Variants in KCNQ5 observed in about 807,000 individuals in gnomAD.
The protein encoded by KCNQ5 is potassium voltage-gated channel subfamily Q member 5.
A neutral mutation model predicts 98.2 loss-of-function variants in KCNQ5; 30 were observed. The ratio of observed to expected loss-of-function variants is 0.31; its 90% CI spans 0.23 to 0.41. The LOEUF is 0.41. Ranked by LOEUF, KCNQ5 falls within the 10% of genes least tolerant of loss-of-function variation. The pLI is 1.00. For missense variants in KCNQ5, 835 were observed against 1,182.5 expected, an observed-to-expected ratio of 0.71 and a Z score of 4.31; for synonymous variants, 458 against 449.4, an observed-to-expected ratio of 1.02 and a Z score of -0.24.
intron 3 of KCNQ5, among the ~76,000 whole-genome samples, chr6:73,068,391 A>G (rs942841249): frequency 1.3e-5 from 2 of 152,208 alleles, no homozygotes; most frequent in African/African-American, 2.4e-5. Flanking sequence ...AATGATGTTT[A>G]GAAACATTTT....
intron 1 of KCNQ5, among the ~76,000 whole-genome samples, chr6:72,930,272 C>T (rs1329592619): frequency 5.3e-5 from 8 of 152,114 alleles, no homozygotes; most frequent in Admixed American, 1.3e-4. Context: ...TATCCACTAA[C>T]GTATTAAATA....
chr6:73,056,867 T>C (rs1364217664), intron 3 of KCNQ5, among the ~76,000 whole-genome samples: 2 of 152,200 alleles, frequency 1.3e-5, no homozygotes, highest in African/African-American at 2.4e-5. Context: ...GGAACATTTT[T>C]ACACTCTTGG....
chr6:72,711,014 G>A (rs1034548245), intron 1 of KCNQ5, among the ~76,000 whole-genome samples: 2 of 152,066 alleles, frequency 1.3e-5, no homozygotes, highest in African/African-American at 2.4e-5. Context: ...TAGGAAGCTA[G>A]AAATCAATAA....
intron 11 of KCNQ5, among the ~76,000 whole-genome samples, chr6:73,174,506 C>T (rs778995358): frequency 2.0e-5 from 3 of 152,174 alleles, no homozygotes; most frequent in Non-Finnish European, 4.4e-5. Flanking sequence ...CCTTTTCTTT[C>T]CCAGGCCAGA....
intron 1 of KCNQ5, among the ~76,000 whole-genome samples, chr6:72,978,880 A>G (rs1395726268): frequency 6.6e-6 from 1 of 151,766 alleles, no homozygotes; most frequent in Non-Finnish European, 1.5e-5. Context: ...TCCTGTGTCC[A>G]AGTGTTCTCA....
intron 2 of KCNQ5, among the ~76,000 whole-genome samples, chr6:73,018,144 GATA>G (rs1210488717): frequency 6.6e-6 from 1 of 152,258 alleles, no homozygotes; most frequent in Admixed American, 6.5e-5. Flanking sequence ...TTGACTTAAT[GATA>G]ATAATGACTG....
intron 3 of KCNQ5, among the ~76,000 whole-genome samples, chr6:73,056,402 A>T (rs747432339): frequency 2.9e-4 from 23 of 79,312 alleles, no homozygotes; most frequent in African/African-American, 4.6e-4. Flanking sequence ...ACTTTTATTT[A>T]AAAAAAAAAA....
At chr6:72,712,365 C>T (rs111305382) in intron 1 of KCNQ5, among the ~76,000 whole-genome samples, 2,033 of 152,280 alleles carry the variant, frequency 0.013, 34 homozygotes, top group African/African-American at 0.042. Flanking sequence ...AGAGAATATA[C>T]ACTCTGAAGT....
rs575531814 is a variant in KCNQ5, at chr6:72,683,493, G to A, written c.398+60906G>A. ...CGCCATTCTCCTGCCTCAGCCTTCCGAGTAGCTGGGACTACAGGTATGTGC... is the reference window on the plus strand; with the variant it reads ...CGCCATTCTCCTGCCTCAGCCTTCCAAGTAGCTGGGACTACAGGTATGTGC... On this transcript the variant is annotated intron_variant, in intron 1 of 13. Transcript: ENST00000370398. Among the ~76,000 whole-genome samples the A allele has an allele frequency of 5.2e-4, 78 of 150,620 alleles. 2 individuals carry two copies. In the South Asian group the frequency reaches 0.014, roughly 27 times the overall value.
chr6:73,195,088 G>C lies in KCNQ5; in HGVS notation c.2473G>C (p.Asp825His). The C allele has an allele frequency of 6.2e-7, 1 of 1,614,192 alleles. No individual in the cohort carries two copies. The highest frequency in any genetic ancestry group is 8.5e-7 in the Non-Finnish European group (1 of 1,180,034). The change falls in exon 14 of 14, where the codon GAC becomes CAC. Residue 825 changes from aspartate to histidine, a missense_variant. By Grantham distance (81) the Asp-to-His change is moderately conservative. Transcript: ENST00000370398. ...LLSVCPMVPK[D>H]LGKSLSVQNL... is the part of the protein sequence containing the mutation. ...GTCTGTCTGTCCCATGGTGCCGAAG[G>C]ACTTGGGCAAATCTTTGTCTGTGCA...
chr6:72,828,579 C>T (rs1368792770), intron 1 of KCNQ5, among the ~76,000 whole-genome samples: 1 of 152,092 alleles, frequency 6.6e-6, no homozygotes, highest in Non-Finnish European at 1.5e-5. Flanking sequence ...CTGTATCCTG[C>T]AACTTTACTG....
chr6:72,866,309 C>G (rs1777983181), intron 1 of KCNQ5, among the ~76,000 whole-genome samples: 1 of 140,888 alleles, frequency 7.1e-6, no homozygotes, highest in Non-Finnish European at 1.5e-5. Flanking sequence ...GGCTGAAGTG[C>G]AGCGGTGTGA....
At chr6:72,735,559 A>T (rs914071018) in intron 1 of KCNQ5, among the ~76,000 whole-genome samples, 1 of 152,140 alleles carries the variant, frequency 6.6e-6, no homozygotes, top group Non-Finnish European at 1.5e-5. Flanking sequence ...ATGACTATGT[A>T]TCTTTAAATA....
chr6:73,129,484 T>G (rs549768152), intron 9 of KCNQ5, among the ~76,000 whole-genome samples: 1 of 152,370 alleles, frequency 6.6e-6, no homozygotes, highest in East Asian at 1.9e-4. Context: ...TTATACTATG[T>G]GTTATTGATA....
rs568791881 is a variant in KCNQ5 at position 72,869,558 on chromosome 6, C to A, written c.399-134350C>A. 3.3e-5 allele frequency among the ~76,000 whole-genome samples: 5 copies of A among 152,308 alleles called. No homozygotes were observed. The East Asian group carries it at 7.7e-4, about 23-fold the overall frequency. ...GTGTCTTTTCCCCTGTAGGCTTCCT[C>A]GCTCATCTTTGACAAGCATCGCCTT... On this transcript the variant is annotated intron_variant, in intron 1 of 13. Coordinates refer to ENST00000370398, the MANE Select transcript of KCNQ5 (RefSeq NM_019842.4).
chr6:72,982,487 C>CTTTTTTTTTT (rs141947372), intron 1 of KCNQ5, among the ~76,000 whole-genome samples: 40 of 60,292 alleles, frequency 6.6e-4, no homozygotes, highest in African/African-American at 1.7e-3. Context: ...GCAACCCCTG[C>CTTTTTTTTTT]TTTTTTTTTT....
intron 1 of KCNQ5, chr6:72,630,685 T>TAATGTTTACATA (rs2098920330): frequency 6.6e-6 from 1 of 152,230 alleles, no homozygotes; most frequent in South Asian, 2.1e-4. Flanking sequence ...ATGTATAGTA[T>TAATGTTTACATA]ATGTGTACAT....
In KCNQ5 at chr6:73,063,698, A is replaced by AGATAGATAGATAGAT. The variant is rs1562156148; in HGVS notation, c.617-13623_617-13609dup. Among the ~76,000 whole-genome samples the AGATAGATAGATAGAT allele has an allele frequency of 4.4e-4, 52 of 117,602 alleles. 1 individual carries two copies. Among genetic ancestry groups the AGATAGATAGATAGAT allele is most frequent in the Non-Finnish European group, 8.2e-4 (45 of 54,834 alleles). The allele number at this position is 117,602 out of a possible 152,430, so 77.2% of individuals were successfully genotyped here. Reference sequence around the variant, plus strand: ...ATAGATAGATAGATGATAGATAGATAGATAGATAGATAGATAGATAGATGA... The same window carrying AGATAGATAGATAGAT: ...ATAGATAGATAGATGATAGATAGATAGATAGATAGATAGATGATAGATAGATAGATAGATAGATGA... On this transcript the variant is annotated intron_variant, in intron 3 of 13. Transcript: ENST00000370398.
At chr6:73,149,806 AAGAGAGAGAGAG>A (rs202152420) in intron 10 of KCNQ5, among the ~76,000 whole-genome samples, 88 of 144,234 alleles carry the variant, frequency 6.1e-4, no homozygotes, top group Admixed American at 1.2e-3. Context: ...AAAAAAAAAA[AAGAGAGAGAGAG>A]AGAGAGAGGG....
Sources: gnomAD v4.1 joint callset for allele counts (sites outside exome capture counted in the v4.1 genomes callset) on GRCh38, gnomAD v4.1.1 for gene constraint, MANE v1.5 for transcripts, NCBI Gene and HGNC (gene_info 2026-07-23, HGNC 2026-07-21) for gene names.